AGK: variants seen among roughly 807,000 people sequenced by gnomAD.
The protein encoded by AGK is acylglycerol kinase, mitochondrial.
AGK carries 52 observed loss-of-function variants against 66.4 expected under a neutral mutation model. That is an observed-to-expected ratio of 0.78 (90% CI 0.63 to 0.99). The LOEUF (loss-of-function observed/expected upper bound fraction) is 0.99, where lower values mean the gene tolerates loss of function less well. AGK is among the 50% of genes least tolerant of loss of function. The probability of loss-of-function intolerance (pLI) is 0.00; values close to 1 mark genes in which losing one functional copy is unlikely to be tolerated. For missense variants in AGK, 451 were observed against 506.6 expected (o/e 0.89, Z 1.05); for synonymous variants, 182 against 181.1 (o/e 1.00, Z -0.04).
In AGK at chr7:141,593,231, T is replaced by C. The variant is rs760486207; in HGVS notation, c.141+46T>C. The C allele has an allele frequency of 3.8e-6, 6 of 1,567,164 alleles. No individual in the cohort carries two copies. The East Asian group carries it at 1.1e-4, about 29-fold the overall frequency. On this transcript the variant is annotated intron_variant, in intron 3 of 15. Transcript: ENST00000649286. ...AAAATTAAGCCCCTCCTTATCTTCA[T>C]TGTGCAGAAAACTTAAGCTCTTTCA...
intron 9 of AGK, among the ~76,000 whole-genome samples, chr7:141,633,458 T>A (rs184832266): frequency 7.4e-4 from 112 of 152,364 alleles, no homozygotes; most frequent in African/African-American, 2.6e-3. Flanking sequence ...TAGTTTCAGA[T>A]ATTCAGGTGA....
At chr7:141,645,027 C>G (rs1797379868) in intron 13 of AGK, among the ~76,000 whole-genome samples, 1 of 152,002 alleles carries the variant, frequency 6.6e-6, no homozygotes, top group South Asian at 2.1e-4. Flanking sequence ...AGTCTCTTGG[C>G]TATTCTTAGC....
At position 141,559,004 on chromosome 7, in the gene AGK, A is replaced by G. The variant is rs148126187; in HGVS notation, c.101+3437A>G. Among the ~76,000 whole-genome samples the G allele has an allele frequency of 1.2e-4, 19 of 152,210 alleles. No homozygotes were observed. The East Asian group carries it at 2.9e-3, about 23-fold the overall frequency. ...GTTGGCCTGTAGGAGTTCTTTATGG[A>G]TTCCAGATATTAATCCCTTGTGAGA... On this transcript the variant is annotated intron_variant, in intron 2 of 15. Transcript: ENST00000649286.
At chr7:141,621,370 A>G (rs1796820318) in intron 8 of AGK, among the ~76,000 whole-genome samples, 1 of 152,216 alleles carries the variant, frequency 6.6e-6, no homozygotes, top group African/African-American at 2.4e-5. Context: ...AAGAATAAGT[A>G]TTGTTTTTGG....
chr7:141,592,768 A>G (rs1796149629), intron 2 of AGK, among the ~76,000 whole-genome samples: 1 of 151,966 alleles, frequency 6.6e-6, no homozygotes, highest in South Asian at 2.1e-4. Context: ...CAATGGCATG[A>G]TCTCAGCTCA....
chr7:141,623,421 A>C (rs1046209473), intron 9 of AGK, among the ~76,000 whole-genome samples: 4 of 151,852 alleles, frequency 2.6e-5, no homozygotes, highest in African/African-American at 9.6e-5. Context: ...AAAAAAAAAG[A>C]AAGTGAAGCA....
In AGK at chr7:141,615,463, C is replaced by T; in HGVS notation, c.424-8C>T. 8.7e-6 allele frequency: 14 copies of T among 1,611,500 alleles called. No individual in the cohort carries two copies. The highest frequency in any genetic ancestry group is 1.7e-4 in the Middle Eastern group (1 of 6,056). ...ACAATAAAACTTTCCTCTTCTTTCC[C>T]CCCCCAGGCTACCTTCAGTAAGATT... On this transcript the variant is annotated splice_polypyrimidine_tract_variant and splice_region_variant and intron_variant, in intron 7 of 15. Coordinates refer to ENST00000649286, the MANE Select transcript of AGK (RefSeq NM_018238.4).
intron 6 of AGK, among the ~76,000 whole-genome samples, chr7:141,612,234 A>G (rs1456525566): frequency 6.6e-6 from 1 of 152,226 alleles, no homozygotes; most frequent in Non-Finnish European, 1.5e-5. Flanking sequence ...AAAAGACTAC[A>G]TACTGTGTGA....
intron 14 of AGK, chr7:141,650,487 T>C (rs1587177127): frequency 7.1e-6 from 7 of 985,308 alleles, no homozygotes; most frequent in Non-Finnish European, 7.2e-6. Flanking sequence ...TGAAATCAAG[T>C]AATGTCTGTT....
chr7:141,595,342 G>A (rs1796206242), intron 3 of AGK, among the ~76,000 whole-genome samples: 1 of 152,130 alleles, frequency 6.6e-6, no homozygotes, highest in African/African-American at 2.4e-5. Flanking sequence ...TACAGTATTT[G>A]GAGATTTAGC....
Position 141,576,485 on chromosome 7 carries a change from A to G in AGK, c.102-16661A>G, listed in dbSNP as rs188079778. On this transcript the variant is annotated intron_variant, in intron 2 of 15. Transcript: ENST00000649286. Reference sequence around the variant, plus strand: ...AGGGCAGTTACAGAACAGGTAACTCAGGATGAGTCAGGATGGAGCAGGTGA... The same window carrying G: ...AGGGCAGTTACAGAACAGGTAACTCGGGATGAGTCAGGATGGAGCAGGTGA... 2.4e-3 allele frequency among the ~76,000 whole-genome samples: 364 copies of G among 151,494 alleles called. 2 individuals carry two copies. The highest frequency in any genetic ancestry group is 8.6e-3 in the African/African-American group (355 of 41,226).
intron 7 of AGK, 72 bp downstream of exon 7, chr7:141,614,250 CT>C (rs951499070): frequency 2.1e-4 from 240 of 1,164,242 alleles, no homozygotes; most frequent in East Asian, 4.8e-4. Flanking sequence ...CTTTCTTTTA[CT>C]TTTTTTTTCC....
Position 141,647,962 on chromosome 7 carries a change from C to T in AGK, c.976-1301C>T, listed in dbSNP as rs572022979. 3.0e-3 allele frequency among the ~76,000 whole-genome samples: 462 copies of T among 152,300 alleles called. 1 individual carries two copies. Among genetic ancestry groups the T allele is most frequent in the Non-Finnish European group, 4.4e-3 (302 of 68,030 alleles). Reference sequence around the variant, plus strand: ...CTGAGATCACAGGCGTGAGCCACCGCGCCTGGCCAAAAATTATTTATTTTT... The same window carrying T: ...CTGAGATCACAGGCGTGAGCCACCGTGCCTGGCCAAAAATTATTTATTTTT... On this transcript the variant is annotated intron_variant, in intron 13 of 15. Transcript: ENST00000649286.
chr7:141,623,328 G>A (rs573077705), intron 9 of AGK, among the ~76,000 whole-genome samples: 4 of 148,616 alleles, frequency 2.7e-5, no homozygotes, highest in African/African-American at 7.5e-5. Flanking sequence ...GCGGTGAGCC[G>A]AGATCGCGCC....
chr7:141,595,178 T>A (rs1443145022), intron 3 of AGK, among the ~76,000 whole-genome samples: 1 of 152,176 alleles, frequency 6.6e-6, no homozygotes, highest in Non-Finnish European at 1.5e-5. Context: ...GAGATTTGAT[T>A]TGCAAGTAGG....
intron 1 of AGK, among the ~76,000 whole-genome samples, chr7:141,551,734 C>G (rs941267531): frequency 1.3e-5 from 2 of 151,980 alleles, no homozygotes; most frequent in Non-Finnish European, 2.9e-5. Context: ...AACTTGTGGA[C>G]CCCCCTCACT....
At chr7:141,560,640 A>G (rs574973044) in intron 2 of AGK, among the ~76,000 whole-genome samples, 2 of 152,006 alleles carry the variant, frequency 1.3e-5, no homozygotes, top group South Asian at 4.2e-4. Flanking sequence ...CTGAGTCCCC[A>G]AAGTCCCTTA....
At chr7:141,651,442 AG>A in intron 14 of AGK, 82 bp from the exon 15 acceptor site, 1 of 1,110,088 alleles carries the variant, frequency 9.0e-7, no homozygotes. Context: ...GCTCATAAAA[AG>A]GGGGAAAGAA....
intron 11 of AGK, among the ~76,000 whole-genome samples, chr7:141,638,379 G>A (rs972822529): frequency 1.3e-5 from 2 of 152,176 alleles, no homozygotes; most frequent in Non-Finnish European, 2.9e-5. Flanking sequence ...GGCAGGAAGT[G>A]AAGCCAGTGG....
Sources: allele counts gnomAD v4.1 joint callset (sites outside exome capture counted in the v4.1 genomes callset), GRCh38; gene constraint gnomAD v4.1.1; transcripts MANE v1.5; gene names NCBI Gene and HGNC (gene_info 2026-07-23, HGNC 2026-07-21).